Variants in PKP4 observed in about 807,000 individuals in gnomAD.
PKP4 encodes plakophilin 4.
PKP4 carries 90 observed loss-of-function variants against 145.1 expected under a neutral mutation model. The observed-to-expected ratio is 0.62, with a 90% CI of 0.52 to 0.74. The LOEUF is 0.74. Ranked by LOEUF, PKP4 falls within the 30% of genes least tolerant of loss-of-function variation. The probability of loss-of-function intolerance (pLI) is 0.00; values close to 1 mark genes in which losing one functional copy is unlikely to be tolerated. For synonymous variants in PKP4, 563 were observed against 577.2 expected (o/e 0.98, Z 0.35); for missense variants, 1,340 against 1,482.7 (o/e 0.90, Z 1.58).
intron 1 of PKP4, among the ~76,000 whole-genome samples, chr2:158,520,524 C>T (rs77030505): frequency 6.6e-6 from 1 of 152,264 alleles, no homozygotes; most frequent in Non-Finnish European, 1.5e-5. Flanking sequence ...TTATAAACTT[C>T]GTCTAATACT....
Position 158,631,817 on chromosome 2 carries a change from T to C in PKP4, c.1218T>C (p.Ser406=). 6.2e-6 allele frequency: 10 copies of C among 1,614,126 alleles called. No individual in the cohort carries two copies. The highest frequency in any genetic ancestry group is 8.5e-6 in the Non-Finnish European group (10 of 1,179,976). ...QLGQDLRSAV[S]PDLHITPIYE... ...GGCAAGACCTTCGTTCTGCCGTGTC[T>C]CCCGACTTGCACATTACTCCTATAT... is the stretch of plus-strand genomic sequence containing the variant. Residue 406 remains serine, a synonymous_variant, in exon 8 of 22, where the codon TCT becomes TCC. Coordinates refer to ENST00000389759, the MANE Select transcript of PKP4 (RefSeq NM_003628.6).
chr2:158,655,969 G>T (rs752664057), intron 11 of PKP4, among the ~76,000 whole-genome samples: 4 of 152,172 alleles, frequency 2.6e-5, no homozygotes, highest in African/African-American at 7.2e-5. Context: ...TCACTCCCTT[G>T]CCCTGTTATT....
At position 158,663,357 on chromosome 2, in the gene PKP4, A is replaced by G. The variant is rs1258150408; in HGVS notation, c.2489A>G (p.Tyr830Cys). ...MLWHPSVVKPYLTLLAESSNP... is the reference protein window; with the variant it reads ...MLWHPSVVKPCLTLLAESSNP... ...TGGCACCCATCGGTGGTAAAACCAT[A>G]TCTGACTCTTCTAGCAGAAAGTTCC... Residue 830 changes from tyrosine to cysteine, a missense_variant, in exon 15 of 22, where the codon TAT becomes TGT. Coordinates refer to ENST00000389759, the MANE Select transcript of PKP4 (RefSeq NM_003628.6). The G allele has an allele frequency of 1.9e-6, 3 of 1,614,000 alleles. No homozygotes were observed. Among genetic ancestry groups the G allele is most frequent in the Non-Finnish European group, 1.7e-6 (2 of 1,180,006 alleles).
chr2:158,463,198 A>G (rs1690046819), intron 1 of PKP4, among the ~76,000 whole-genome samples: 1 of 152,156 alleles, frequency 6.6e-6, no homozygotes, highest in Admixed American at 6.5e-5. Flanking sequence ...CAATACTTAG[A>G]GAGGCATTAA....
chr2:158,663,340 A>G lies in PKP4; in HGVS notation c.2472A>G (p.Pro824=), dbSNP rs745702757. 2 of 1,614,090 alleles carry G rather than the reference A, an allele frequency of 1.2e-6. No homozygotes were observed. Among genetic ancestry groups the G allele is most frequent in the East Asian group, 2.2e-5 (1 of 44,860 alleles). Residue 824 remains proline (P), a synonymous_variant, in exon 15 of 22, where the codon CCA becomes CCG. Transcript: ENST00000389759. ...AAGGGGTTGAGATGCTGTGGCACCC[A>G]TCGGTGGTAAAACCATATCTGACTC... ...SPKGVEMLWH[P]SVVKPYLTLL...
intron 15 of PKP4, among the ~76,000 whole-genome samples, chr2:158,664,868 A>G (rs574689708): frequency 2.0e-5 from 3 of 152,358 alleles, no homozygotes; most frequent in South Asian, 2.1e-4. Flanking sequence ...CTCCCAGCAC[A>G]TAAGTATTTA....
At chr2:158,633,998 A>G in intron 8 of PKP4, 72 bp from the exon 9 acceptor site, 1 of 821,968 alleles carries the variant, frequency 1.2e-6, no homozygotes, top group South Asian at 1.9e-5. Flanking sequence ...AAAATTAAAA[A>G]TGTTTTACCT....
chr2:158,531,108 A>C (rs2043503318), intron 1 of PKP4, among the ~76,000 whole-genome samples: 2 of 152,180 alleles, frequency 1.3e-5, no homozygotes, highest in South Asian at 4.1e-4. Flanking sequence ...CAGGGTCAGC[A>C]AGATAAATAC....
intron 11 of PKP4, among the ~76,000 whole-genome samples, chr2:158,648,736 C>A (rs2055058897): frequency 6.6e-6 from 1 of 152,234 alleles, no homozygotes; most frequent in Admixed American, 6.5e-5. Context: ...CAGTGGCTCA[C>A]ACCTGTAATC....
intron 4 of PKP4, among the ~76,000 whole-genome samples, chr2:158,608,719 A>T (rs1469961366): frequency 6.6e-6 from 1 of 152,012 alleles, no homozygotes; most frequent in Non-Finnish European, 1.5e-5. Flanking sequence ...ATGACATTTA[A>T]ATTGTAACCA....
At chr2:158,541,404 T>C (rs1477001050) in intron 2 of PKP4, among the ~76,000 whole-genome samples, 1 of 152,108 alleles carries the variant, frequency 6.6e-6, no homozygotes, top group African/African-American at 2.4e-5. Context: ...GAAAGATCAT[T>C]TAAAATGTAA....
intron 19 of PKP4, 33 bp downstream of exon 19, chr2:158,674,033 C>G: frequency 8.6e-7 from 1 of 1,159,976 alleles, no homozygotes. Flanking sequence ...TTGGCGAGAA[C>G]CTTTGTGTGA....
chr2:158,472,612 CAAAAAAAAAAA>C (rs67665979), intron 1 of PKP4, among the ~76,000 whole-genome samples: 5 of 65,148 alleles, frequency 7.7e-5, no homozygotes, highest in Non-Finnish European at 1.4e-4. Flanking sequence ...GGCTCCATCT[CAAAAAAAAAAA>C]AAAAAAAAAA....
intron 1 of PKP4, among the ~76,000 whole-genome samples, chr2:158,521,021 T>G (rs781576710): frequency 5.3e-5 from 8 of 152,214 alleles, no homozygotes; most frequent in Admixed American, 1.3e-4. Context: ...ACCTATCGCC[T>G]TCACAAAGAG....
intron 17 of PKP4, among the ~76,000 whole-genome samples, chr2:158,671,402 T>C (rs1008198525): frequency 6.6e-6 from 1 of 151,496 alleles, no homozygotes. Flanking sequence ...GGAAGGGGAG[T>C]GAGTGGAACC....
rs192814621 is a variant in PKP4, at chr2:158,572,465, T to C, written c.133-4806T>C. 2.5e-3 allele frequency among the ~76,000 whole-genome samples: 387 copies of C among 152,324 alleles called. 2 individuals are homozygous for C. Among genetic ancestry groups the C allele is most frequent in the African/African-American group, 9.0e-3 (376 of 41,574 alleles). ...AAATGAGAATCCTAAGCAATAAACC[T>C]GGCTTTTACCCTGAAGATATCTGGC... On this transcript the variant is annotated intron_variant, in intron 2 of 21. Coordinates refer to ENST00000389759, the MANE Select transcript of PKP4 (RefSeq NM_003628.6).
intron 11 of PKP4, among the ~76,000 whole-genome samples, chr2:158,650,231 C>G (rs1353544305): frequency 6.6e-6 from 1 of 152,162 alleles, no homozygotes; most frequent in Non-Finnish European, 1.5e-5. Context: ...CTCTGTGTGT[C>G]CCATATGGGC....
In PKP4 at chr2:158,669,418, C is replaced by T. The variant is rs2158831; in HGVS notation, c.2729-302C>T. ...ATTACTCAATGTTACTGAAAATACT[C>T]GAACGAAAGTAACTTGATTTGTCTA... On this transcript the variant is annotated intron_variant, in intron 16 of 21. Coordinates refer to ENST00000389759, the MANE Select transcript of PKP4 (RefSeq NM_003628.6). 125,140 of 213,084 alleles carry T rather than the reference C, an allele frequency of 0.59. 37,695 individuals are homozygous for T. Among genetic ancestry groups the T allele is most frequent in the East Asian group, 0.76 (7,923 of 10,474 alleles). 13.2% of individuals were successfully genotyped at this position (213,084 alleles called of 1,614,324 possible). A position where few individuals can be genotyped will look rare whatever the true frequency, so the allele number is the denominator to read the frequency against.
intron 11 of PKP4, among the ~76,000 whole-genome samples, chr2:158,650,088 A>C (rs2055212384): frequency 6.6e-6 from 1 of 152,240 alleles, no homozygotes; most frequent in Non-Finnish European, 1.5e-5. Flanking sequence ...TCTGTGTCAC[A>C]CTGAAATAAC....
Sources: allele counts gnomAD v4.1 joint callset (sites outside exome capture counted in the v4.1 genomes callset), GRCh38; gene constraint gnomAD v4.1.1; transcripts MANE v1.5; gene names NCBI Gene and HGNC (gene_info 2026-07-23, HGNC 2026-07-21).